Variants in SNX29 observed in about 807,000 individuals in gnomAD.
The protein encoded by SNX29 is sorting nexin 29.
SNX29 carries 78 observed loss-of-function variants against 102.1 expected under a neutral mutation model. That is an observed-to-expected ratio of 0.76 (90% confidence interval 0.64 to 0.92). The LOEUF (loss-of-function observed/expected upper bound fraction) is 0.92, where lower values mean the gene tolerates loss of function less well. Among genes scored for constraint, SNX29 ranks in the 40% least tolerant of loss-of-function variants. The pLI is 0.00. For missense variants in SNX29, 1,280 were observed against 1,061.7 expected, an observed-to-expected ratio of 1.21 and a Z score of -2.86; for synonymous variants, 580 against 414.5, an observed-to-expected ratio of 1.40 and a Z score of -4.85.
intron 18 of SNX29, among the ~76,000 whole-genome samples, chr16:12,476,028 T>C (rs545292628): frequency 4.6e-5 from 7 of 152,158 alleles, no homozygotes; most frequent in African/African-American, 1.4e-4. Context: ...AGTCAAGATA[T>C]ATAGGGTGAC....
chr16:12,272,223 G>A (rs1567381947), intron 14 of SNX29, among the ~76,000 whole-genome samples: 1 of 152,160 alleles, frequency 6.6e-6, no homozygotes, highest in Non-Finnish European at 1.5e-5. Context: ...AGTCCTAGAG[G>A]GGCTGGTGCC....
chr16:12,503,632 A>G (rs140243083), intron 19 of SNX29, among the ~76,000 whole-genome samples: 10 of 152,342 alleles, frequency 6.6e-5, no homozygotes, highest in African/African-American at 2.4e-4. Context: ...AGCTGGCTCC[A>G]GGGCTGGAGC....
chr16:12,534,939 C>G (rs576451628), intron 20 of SNX29, among the ~76,000 whole-genome samples: 2 of 152,322 alleles, frequency 1.3e-5, no homozygotes, highest in Admixed American at 1.3e-4. Flanking sequence ...ACAGGATGGC[C>G]TCCTCCCTGC....
intron 4 of SNX29, among the ~76,000 whole-genome samples, chr16:12,034,478 A>G (rs1350696571): frequency 6.6e-6 from 1 of 152,350 alleles, no homozygotes; most frequent in East Asian, 1.9e-4. Context: ...AGCTGGCTTT[A>G]GGGAGGAAGT....
At chr16:12,442,165 A>T (rs1042557902) in intron 18 of SNX29, among the ~76,000 whole-genome samples, 12 of 148,900 alleles carry the variant, frequency 8.1e-5, no homozygotes, top group Admixed American at 4.0e-4. Context: ...CAGTTTGTTT[A>T]AAAAAAAAAC....
intron 15 of SNX29, 88 bp from the exon 16 acceptor site, chr16:12,356,075 G>A (rs1156383686): frequency 3.3e-6 from 4 of 1,216,536 alleles, no homozygotes; most frequent in African/African-American, 1.5e-5. Flanking sequence ...TTGCTGACAG[G>A]TGTCAGGAAG....
chr16:12,006,346 T>A (rs1274783383), intron 3 of SNX29, among the ~76,000 whole-genome samples: 1 of 151,308 alleles, frequency 6.6e-6, no homozygotes, highest in East Asian at 2.0e-4. Context: ...AGAAACCCCG[T>A]CTCTACTTAA....
At chr16:12,411,785 C>T (rs766816950) in intron 18 of SNX29, among the ~76,000 whole-genome samples, 8 of 152,176 alleles carry the variant, frequency 5.3e-5, no homozygotes, top group Non-Finnish European at 1.0e-4. Context: ...CACCACTCAC[C>T]TTGCAGCATG....
At chr16:12,081,852 C>G (rs1449933814) in intron 11 of SNX29, 4 of 143,112 alleles carry the variant, frequency 2.8e-5, no homozygotes, top group African/African-American at 1.1e-4. Flanking sequence ...TCAGAGTAGT[C>G]AGTGTAGCTC....
chr16:12,166,906 C>G (rs1018514497), intron 13 of SNX29, among the ~76,000 whole-genome samples: 4 of 152,110 alleles, frequency 2.6e-5, no homozygotes, highest in African/African-American at 9.7e-5. Context: ...AAACTCAAGC[C>G]CTACTAGGAA....
intron 3 of SNX29, among the ~76,000 whole-genome samples, chr16:12,013,500 A>AAAAAATATATATATATATATATAT: frequency 3.2e-5 from 1 of 31,624 alleles, no homozygotes; most frequent in Non-Finnish European, 6.1e-5. Flanking sequence ...AAAAAAAAAA[A>AAAAAATATATATATATATATATAT]ATATATATAT....
chr16:12,060,786 A>G (rs1031665859), intron 8 of SNX29: 16 of 456,312 alleles, frequency 3.5e-5, no homozygotes, highest in African/African-American at 2.2e-4. Context: ...AACAAACCCA[A>G]CCACACTGCC....
intron 10 of SNX29, among the ~76,000 whole-genome samples, chr16:12,071,968 T>G (rs1166603478): frequency 6.6e-6 from 1 of 152,194 alleles, no homozygotes; most frequent in African/African-American, 2.4e-5. Context: ...TTTGGCTGTT[T>G]GTCTGTGATT....
At chr16:12,440,471 A>G (rs1355754181) in intron 18 of SNX29, among the ~76,000 whole-genome samples, 3 of 152,164 alleles carry the variant, frequency 2.0e-5, no homozygotes, top group East Asian at 1.9e-4. Context: ...GTTCAGGAGT[A>G]CAAGTGCAGG....
At chr16:12,156,161 G>C (rs1458186249) in intron 13 of SNX29, among the ~76,000 whole-genome samples, 35 of 152,134 alleles carry the variant, frequency 2.3e-4, no homozygotes. Context: ...TAACTCCCTT[G>C]TCTCTTTCTA....
chr16:12,306,487 G>T (rs2080343334), intron 15 of SNX29, among the ~76,000 whole-genome samples: 2 of 152,164 alleles, frequency 1.3e-5, no homozygotes, highest in African/African-American at 4.8e-5. Flanking sequence ...TGTTGAAATA[G>T]AATCTTTGGC....
At chr16:12,497,607 C>T (rs1331654114) in intron 19 of SNX29, among the ~76,000 whole-genome samples, 1 of 152,226 alleles carries the variant, frequency 6.6e-6, no homozygotes, top group Non-Finnish European at 1.5e-5. Context: ...TGACCAGTCT[C>T]CTTCTCTTGT....
At chr16:12,445,786 G>C (rs564474550) in intron 18 of SNX29, among the ~76,000 whole-genome samples, 180 of 152,288 alleles carry the variant, frequency 1.2e-3, no homozygotes, top group African/African-American at 4.3e-3. Flanking sequence ...GCCCTGGATT[G>C]AGTGCTTTAC....
At chr16:12,448,407 A>G (rs1435403211) in intron 18 of SNX29, among the ~76,000 whole-genome samples, 2 of 151,950 alleles carry the variant, frequency 1.3e-5, no homozygotes, top group Admixed American at 6.5e-5. Flanking sequence ...CATATCTTCA[A>G]TTGCTGGTGA....
Sources: gnomAD v4.1 joint callset for allele counts (sites outside exome capture counted in the v4.1 genomes callset) on GRCh38, gnomAD v4.1.1 for gene constraint, MANE v1.5 for transcripts, NCBI Gene and HGNC (gene_info 2026-07-23, HGNC 2026-07-21) for gene names.